Variants in CSMD1 observed in about 807,000 individuals in gnomAD.
CSMD1 encodes CUB and Sushi multiple domains 1, also known as CUB and sushi domain-containing protein 1.
A neutral mutation model predicts 417.5 loss-of-function variants in CSMD1; 213 were observed. That is an observed-to-expected ratio of 0.51 (90% CI 0.46 to 0.57). CSMD1 has a LOEUF of 0.57. Among genes scored for constraint, CSMD1 ranks in the 20% least tolerant of loss-of-function variants. CSMD1 has a pLI of 0.00. For synonymous variants in CSMD1, 2,862 were observed against 1,736.8 expected, an observed-to-expected ratio of 1.65 and a Z score of -16.11; for missense variants, 6,923 against 4,529.7, an observed-to-expected ratio of 1.53 and a Z score of -15.17.
intron 2 of CSMD1, among the ~76,000 whole-genome samples, chr8:4,482,038 C>T (rs1012889053): frequency 3.9e-5 from 6 of 152,176 alleles, no homozygotes; most frequent in African/African-American, 1.4e-4. Context: ...CACACCCTTC[C>T]ATGGCCACCT....
At chr8:4,075,473 T>G (rs1216591766) in intron 3 of CSMD1, among the ~76,000 whole-genome samples, 3 of 152,192 alleles carry the variant, frequency 2.0e-5, no homozygotes, top group Admixed American at 1.3e-4. Flanking sequence ...AATCTCTTGT[T>G]ACAGGTAAAA....
rs1198548143 is a variant in CSMD1 at position 4,138,194 on chromosome 8, C to T, written c.416-106095G>A. ...CCTCCCAAAGTGCTGGGATTACAGG[C>T]GCAGCCTTACATTTTTTTTTTTTTT... On this transcript the variant is annotated intron_variant, in intron 3 of 69. Coordinates refer to ENST00000635120, the MANE Select transcript of CSMD1 (RefSeq NM_033225.6). Among the ~76,000 whole-genome samples, 14 of 139,446 alleles carry T rather than the reference C, an allele frequency of 1.0e-4. 1 individual carries two copies. The highest frequency in any genetic ancestry group is 2.6e-4 in the African/African-American group (10 of 38,256). The allele number at this position is 139,446 out of a possible 152,430, so 91.5% of individuals were successfully genotyped here.
At chr8:3,973,668 T>A (rs941177600) in intron 5 of CSMD1, among the ~76,000 whole-genome samples, 2 of 152,206 alleles carry the variant, frequency 1.3e-5, no homozygotes, top group Admixed American at 6.5e-5. Context: ...CCTCACAGTA[T>A]CCTTGGTACT....
chr8:4,031,753 G>A (rs561646439), intron 4 of CSMD1, among the ~76,000 whole-genome samples, 152 bp downstream of exon 4: 36 of 152,242 alleles, frequency 2.4e-4, no homozygotes, highest in African/African-American at 8.2e-4. Flanking sequence ...GTAATAACAT[G>A]TAATATTGCT....
intron 5 of CSMD1, among the ~76,000 whole-genome samples, chr8:3,988,295 G>C (rs1005655288): frequency 6.6e-6 from 1 of 152,100 alleles, no homozygotes; most frequent in Non-Finnish European, 1.5e-5. Context: ...ACATCACACA[G>C]GATTTCAACA....
At chr8:4,456,739 G>C (rs1375624679) in intron 2 of CSMD1, among the ~76,000 whole-genome samples, 1 of 152,082 alleles carries the variant, frequency 6.6e-6, no homozygotes, top group Non-Finnish European at 1.5e-5. Flanking sequence ...AGTCCTTACT[G>C]TCTAGTTGCT....
Position 3,439,154 on chromosome 8 carries a change from C to CAAAAAAAAAAAAAAAAAAAAAAAA in CSMD1, c.1562-29550_1562-29549insTTTTTTTTTTTTTTTTTTTTTTTT, listed in dbSNP as rs1563390150. Among the ~76,000 whole-genome samples the CAAAAAAAAAAAAAAAAAAAAAAAA allele has an allele frequency of 1.3e-3, 34 of 26,612 alleles. 4 individuals are homozygous for CAAAAAAAAAAAAAAAAAAAAAAAA. The highest frequency in any genetic ancestry group is 3.0e-3 in the African/African-American group (17 of 5,694). 17.5% of individuals were successfully genotyped at this position (26,612 alleles called of 152,430 possible). A position where few individuals can be genotyped will look rare whatever the true frequency, so the allele number is the denominator to read the frequency against. On this transcript the variant is annotated intron_variant, in intron 12 of 69. Transcript: ENST00000635120. ...AAAAAAAAAAAAAAAAAAAAAAAAC[C>CAAAAAAAAAAAAAAAAAAAAAAAA]AAGAAAAAAAAAAGAAAAAGAAAAA...
chr8:4,633,334 C>T (rs1051892915), intron 2 of CSMD1, among the ~76,000 whole-genome samples: 77 of 148,536 alleles, frequency 5.2e-4, no homozygotes, highest in African/African-American at 1.7e-3. Flanking sequence ...GAAAGCTCCG[C>T]CTCCCCAGTT....
Position 3,827,925 on chromosome 8 carries a change from T to C in CSMD1, c.819-73883A>G, listed in dbSNP as rs140400172. Among the ~76,000 whole-genome samples, 381 of 152,286 alleles carry C rather than the reference T, an allele frequency of 2.5e-3. 1 individual carries two copies. Among genetic ancestry groups the C allele is most frequent in the African/African-American group, 8.7e-3 (363 of 41,560 alleles). Reference sequence around the variant, plus strand: ...AGGAAACAATATAGTAAGCACTATTTAAAAGAGAAAATAAAGTATCTATCC... The same window carrying C: ...AGGAAACAATATAGTAAGCACTATTCAAAAGAGAAAATAAAGTATCTATCC... On this transcript the variant is annotated intron_variant, in intron 5 of 69. Coordinates refer to ENST00000635120, the MANE Select transcript of CSMD1 (RefSeq NM_033225.6).
intron 2 of CSMD1, among the ~76,000 whole-genome samples, chr8:4,466,078 G>C (rs548333216): frequency 2.0e-5 from 3 of 152,304 alleles, no homozygotes; most frequent in African/African-American, 7.2e-5. Flanking sequence ...ACAAGTTATG[G>C]AGAGATTAAA....
chr8:3,550,986 C>T (rs2116778940), intron 10 of CSMD1, among the ~76,000 whole-genome samples: 1 of 151,716 alleles, frequency 6.6e-6, no homozygotes, highest in East Asian at 1.9e-4. Context: ...AACAGTCAGA[C>T]CCCTTTCTCA....
At chr8:3,273,294 G>C (rs1316260823) in intron 26 of CSMD1, among the ~76,000 whole-genome samples, 1 of 152,018 alleles carries the variant, frequency 6.6e-6, no homozygotes, top group African/African-American at 2.4e-5. Flanking sequence ...ACTTGATCAT[G>C]GTGGATAAGC....
At chr8:4,278,589 A>G (rs758129581) in intron 3 of CSMD1, among the ~76,000 whole-genome samples, 14 of 152,242 alleles carry the variant, frequency 9.2e-5, no homozygotes, top group Non-Finnish European at 2.1e-4. Context: ...CTATTTTTAG[A>G]AAATGATTAA....
At chr8:4,155,602 G>C (rs946920395) in intron 3 of CSMD1, among the ~76,000 whole-genome samples, 3 of 152,160 alleles carry the variant, frequency 2.0e-5, no homozygotes, top group Non-Finnish European at 4.4e-5. Flanking sequence ...TTTTCAGATA[G>C]AGACAAGGTT....
chr8:4,869,425 A>T (rs1802606712), intron 1 of CSMD1, among the ~76,000 whole-genome samples: 1 of 152,056 alleles, frequency 6.6e-6, no homozygotes, highest in African/African-American at 2.4e-5. Context: ...CTTACCAAAT[A>T]TTTGGTAATC....
At chr8:3,813,391 AAGG>A (rs1321515878) in intron 5 of CSMD1, among the ~76,000 whole-genome samples, 1 of 152,144 alleles carries the variant, frequency 6.6e-6, no homozygotes, top group East Asian at 1.9e-4. Context: ...TAGGAGATTT[AAGG>A]AGGTGATATT....
chr8:3,401,222 G>A (rs1053545210), intron 15 of CSMD1, among the ~76,000 whole-genome samples: 3 of 152,022 alleles, frequency 2.0e-5, no homozygotes, highest in African/African-American at 7.2e-5. Flanking sequence ...AAAAAATTAT[G>A]ATAGTTGAGC....
chr8:2,946,473 T>C (rs146259990), intron 68 of CSMD1, among the ~76,000 whole-genome samples: 159 of 152,352 alleles, frequency 1.0e-3, no homozygotes, highest in African/African-American at 3.5e-3. Flanking sequence ...ACATCTCCTG[T>C]AATGGATTCA....
chr8:3,199,276 G>A (rs1563135546), intron 33 of CSMD1, among the ~76,000 whole-genome samples: 1 of 152,060 alleles, frequency 6.6e-6, no homozygotes. Context: ...TTTTTGTTTT[G>A]TTTTGTTAAA....
Sources: gnomAD v4.1 joint callset for allele counts (sites outside exome capture counted in the v4.1 genomes callset) on GRCh38, gnomAD v4.1.1 for gene constraint, MANE v1.5 for transcripts, NCBI Gene and HGNC (gene_info 2026-07-23, HGNC 2026-07-21) for gene names.